Variants in RAB32 observed in about 807,000 individuals in gnomAD.
RAB32 encodes the protein RAB32, member RAS oncogene family.
In RAB32, 17 loss-of-function variants were observed where a neutral mutation model predicts 17.5. The observed-to-expected ratio is 0.97, with a 90% CI of 0.67 to 1.46. RAB32 has a LOEUF of 1.46. Ranked by LOEUF, RAB32 falls within the 40% of genes most tolerant of loss-of-function variation. RAB32 has a pLI of 0.00. For missense variants in RAB32, 288 were observed against 284.3 expected, an observed-to-expected ratio of 1.01 and a Z score of -0.09; for synonymous variants, 115 against 111.1, an observed-to-expected ratio of 1.04 and a Z score of -0.22.
At position 146,554,517 on chromosome 6, in the gene RAB32, A is replaced by AAAGCTTTCCT. The variant is rs1331977888; in HGVS notation, c.593_602dup (p.Asn201LysfsTer4). 1 of 1,613,966 alleles carries AAAGCTTTCCT rather than the reference A, an allele frequency of 6.2e-7. No individual in the cohort carries two copies. The highest frequency in any genetic ancestry group is 2.2e-5 in the East Asian group (1 of 44,878). On this transcript the variant is annotated frameshift_variant, in exon 3 of 3. Transcript: ENST00000367495. LOFTEE classifies it low-confidence loss of function (END_TRUNC). ...GTGGAGAAGATTCTTGTAAACCACCAAAGCTTTCCTAATGAAGAAAACGAT... is the reference window on the plus strand; with the variant it reads ...GTGGAGAAGATTCTTGTAAACCACCAAAGCTTTCCTAAGCTTTCCTAATGAAGAAAACGAT...
At chr6:146,548,500 A>G (rs1779852032) in intron 1 of RAB32, among the ~76,000 whole-genome samples, 1 of 152,214 alleles carries the variant, frequency 6.6e-6, no homozygotes, top group African/African-American at 2.4e-5. Context: ...TTAGATGTGC[A>G]TTGATTGCCA....
chr6:146,549,732 C>G lies in RAB32; in HGVS notation c.519C>G (p.Thr173=). 6.2e-7 allele frequency: 1 copy of G among 1,613,898 alleles called. No homozygotes were observed. Among genetic ancestry groups the G allele is most frequent in the South Asian group, 1.1e-5 (1 of 91,046 alleles). ...KEHGFAGWFE[T]SAKDNINIEE... Reference sequence around the variant, plus strand: ...ATGGCTTTGCCGGATGGTTTGAAACCTCTGCAAAGGTGAGATCTGCTTTGC... The same window carrying G: ...ATGGCTTTGCCGGATGGTTTGAAACGTCTGCAAAGGTGAGATCTGCTTTGC... Residue 173 remains threonine (T), a synonymous_variant, in exon 2 of 3, where the codon ACC becomes ACG. Coordinates refer to ENST00000367495, the MANE Select transcript of RAB32 (RefSeq NM_006834.5).
At chr6:146,551,153 G>T (rs1190319577) in intron 2 of RAB32, among the ~76,000 whole-genome samples, 1 of 152,178 alleles carries the variant, frequency 6.6e-6, no homozygotes, top group Admixed American at 6.5e-5. Flanking sequence ...ACTGTCTACT[G>T]CAGGCAGAAA....
intron 1 of RAB32, among the ~76,000 whole-genome samples, chr6:146,547,547 T>C (rs138331312): frequency 6.6e-6 from 1 of 152,108 alleles, no homozygotes. Flanking sequence ...AAACTTATTT[T>C]ACATTGTTTT....
chr6:146,545,808 G>T (rs1353319004), intron 1 of RAB32, among the ~76,000 whole-genome samples: 1 of 152,162 alleles, frequency 6.6e-6, no homozygotes, highest in African/African-American at 2.4e-5. Context: ...GATTCTAAAG[G>T]TTGCCTTACC....
intron 1 of RAB32, 48 bp downstream of exon 1, chr6:146,544,169 T>G (rs761828209): frequency 6.4e-7 from 1 of 1,553,696 alleles, no homozygotes; most frequent in Admixed American, 1.9e-5. Flanking sequence ...CCGGGCCGCC[T>G]GGCTCCTCTC....
intron 1 of RAB32, among the ~76,000 whole-genome samples, chr6:146,546,412 G>T (rs1208378454): frequency 6.8e-6 from 1 of 147,510 alleles, no homozygotes; most frequent in African/African-American, 2.5e-5. Context: ...GAGAAAAATA[G>T]CTTAGTGAGA....
intron 2 of RAB32, among the ~76,000 whole-genome samples, chr6:146,552,005 A>C (rs1437444520): frequency 6.6e-6 from 1 of 152,190 alleles, no homozygotes; most frequent in Non-Finnish European, 1.5e-5. Flanking sequence ...AAATGTCACT[A>C]AGGTACACTT....
intron 1 of RAB32, among the ~76,000 whole-genome samples, chr6:146,546,707 C>A (rs751266312): frequency 4.1e-5 from 6 of 147,582 alleles, no homozygotes; most frequent in Non-Finnish European, 5.9e-5. Flanking sequence ...TAGAAATATT[C>A]TTTGATTGCA....
chr6:146,544,615 C>G (rs1283852003), intron 1 of RAB32, among the ~76,000 whole-genome samples: 1 of 151,902 alleles, frequency 6.6e-6, no homozygotes, highest in Non-Finnish European at 1.5e-5. Context: ...TGAGACTGGC[C>G]TTTGTGAGGG....
chr6:146,543,845 G>A lies in RAB32; in HGVS notation c.-27G>A. ...CGGGCAGGGGGCCAGACTCGGAGTC[G>A]AGGCGCGCCCGACAGCCGCAGCGCT... is the stretch of plus-strand genomic sequence containing the variant. On this transcript the variant is annotated 5_prime_UTR_variant, in exon 1 of 3. Transcript: ENST00000367495. The A allele has an allele frequency of 1.5e-6, 2 of 1,342,754 alleles. No homozygotes were observed. Among genetic ancestry groups the A allele is most frequent in the Non-Finnish European group, 1.9e-6 (2 of 1,045,098 alleles). 83.2% of individuals were successfully genotyped at this position (1,342,754 alleles called of 1,614,324 possible).
At chr6:146,554,069 G>GT (rs1249365124) in intron 2 of RAB32, among the ~76,000 whole-genome samples, 1 of 152,040 alleles carries the variant, frequency 6.6e-6, no homozygotes. Flanking sequence ...AGCCCTTTCA[G>GT]TTTTTTTCAC....
chr6:146,549,420 G>A lies in RAB32; in HGVS notation c.251-44G>A, dbSNP rs371941584. ...GGGGTTATACCTAAATGTAGACTCT[G>A]TCTGAATTACAAGTTTTTAATTTTT... On this transcript the variant is annotated intron_variant, in intron 1 of 2. Coordinates refer to ENST00000367495, the MANE Select transcript of RAB32 (RefSeq NM_006834.5). 2.6e-6 allele frequency: 4 copies of A among 1,550,232 alleles called. No homozygotes were observed. In the East Asian group the frequency reaches 6.7e-5, roughly 26 times the overall value.
chr6:146,546,666 C>G (rs1349531661), intron 1 of RAB32, among the ~76,000 whole-genome samples: 1 of 151,490 alleles, frequency 6.6e-6, no homozygotes, highest in Non-Finnish European at 1.5e-5. Flanking sequence ...TATGTAGTAA[C>G]AAAGTTGGAT....
chr6:146,551,134 A>G (rs1345612325), intron 2 of RAB32, among the ~76,000 whole-genome samples: 2 of 152,048 alleles, frequency 1.3e-5, no homozygotes, highest in Non-Finnish European at 2.9e-5. Flanking sequence ...AGTCACTGGG[A>G]AAAAAAAGAC....
intron 1 of RAB32, 69 bp downstream of exon 1, chr6:146,544,190 C>A (rs1779791863): frequency 6.7e-7 from 1 of 1,491,782 alleles, no homozygotes; most frequent in Non-Finnish European, 9.0e-7. Flanking sequence ...TGCTTCTTTT[C>A]TTTTTCTTTT....
chr6:146,547,961 T>C (rs1779844767), intron 1 of RAB32, among the ~76,000 whole-genome samples: 2 of 152,158 alleles, frequency 1.3e-5, no homozygotes, highest in African/African-American at 2.4e-5. Flanking sequence ...TTAAAATATA[T>C]AAAAATGGAA....
intron 2 of RAB32, among the ~76,000 whole-genome samples, chr6:146,550,618 C>T (rs1471560550): frequency 6.9e-6 from 1 of 145,766 alleles, no homozygotes; most frequent in Non-Finnish European, 1.5e-5. Context: ...GATCATGCCA[C>T]TGCACTCCAG....
At position 146,550,048 on chromosome 6, in the gene RAB32, G is replaced by T. The variant is rs577615332; in HGVS notation, c.528+307G>T. Among the ~76,000 whole-genome samples, 71 of 152,278 alleles carry T rather than the reference G, an allele frequency of 4.7e-4. 1 individual carries two copies. The South Asian group carries it at 0.014, about 30-fold the overall frequency. On this transcript the variant is annotated intron_variant, in intron 2 of 2. Coordinates refer to ENST00000367495, the MANE Select transcript of RAB32 (RefSeq NM_006834.5). ...TCTCATGCAACTAGAGTGGTTGGGG[G>T]TATTGTCAAGCACGAGAATTTTTGG...
Sources: gnomAD v4.1 joint callset for allele counts (sites outside exome capture counted in the v4.1 genomes callset) on GRCh38, gnomAD v4.1.1 for gene constraint, MANE v1.5 for transcripts, NCBI Gene and HGNC (gene_info 2026-07-23, HGNC 2026-07-21) for gene names.